Variants in XKR9 observed in about 807,000 individuals in gnomAD.
The protein encoded by XKR9 is XK related 9, also known as XK-related protein 9.
A neutral mutation model predicts 32.0 loss-of-function variants in XKR9; 32 were observed. The ratio of observed to expected loss-of-function variants is 1.00; its 90% CI spans 0.76 to 1.34. XKR9 has a LOEUF of 1.34. Ranked by LOEUF, XKR9 falls within the 40% of genes most tolerant of loss-of-function variation. XKR9 has a pLI of 0.00. For synonymous variants in XKR9, 168 were observed against 143.4 expected (o/e 1.17, Z -1.22); for missense variants, 546 against 429.7 (o/e 1.27, Z -2.39).
the XKR9 span, among the ~76,000 whole-genome samples, chr8:70,940,934 A>C: frequency 6.6e-6 from 1 of 152,114 alleles, no homozygotes; most frequent in South Asian, 2.1e-4. Context: ...ACCTTGGGCC[A>C]TAAGAACTAT....
At chr8:70,740,118 AT>A (rs1206684469), downstream of XKR9, among the ~76,000 whole-genome samples, 1 of 152,076 alleles carries the variant, frequency 6.6e-6, no homozygotes, top group Non-Finnish European at 1.5e-5. Context: ...TCAGATGTAG[AT>A]TTGGTCTTTT....
chr8:70,994,747 G>GTTTTTTTTTTTTTTTTTTTTTTTTT, the XKR9 span, among the ~76,000 whole-genome samples: 1 of 126,884 alleles, frequency 7.9e-6, no homozygotes. Context: ...GTTATATTCT[G>GTTTTTTTTTTTTTTTTTTTTTTTTT]TTTTTTTTTT....
chr8:70,701,918 A>G (rs1389161077), intron 3 of XKR9, among the ~76,000 whole-genome samples: 3 of 152,074 alleles, frequency 2.0e-5, no homozygotes, highest in South Asian at 2.1e-4. Context: ...GCCAAAGGAG[A>G]GTTTTCTTTT....
At chr8:71,051,843 T>A in the XKR9 span, among the ~76,000 whole-genome samples, 1 of 152,210 alleles carries the variant, frequency 6.6e-6, no homozygotes, top group Non-Finnish European at 1.5e-5. Flanking sequence ...GCAGAAAGCA[T>A]GCAATGCGTG....
chr8:70,851,448 G>C, the XKR9 span, among the ~76,000 whole-genome samples: 14 of 151,916 alleles, frequency 9.2e-5, no homozygotes, highest in Admixed American at 2.6e-4. Flanking sequence ...ATTTCATATG[G>C]AACCAAAAAA....
At chr8:71,051,282 T>A in the XKR9 span, among the ~76,000 whole-genome samples, 1 of 152,202 alleles carries the variant, frequency 6.6e-6, no homozygotes, top group South Asian at 2.1e-4. Flanking sequence ...AAGCTTGATA[T>A]GTTTTTGTTT....
intron 2 of XKR9, among the ~76,000 whole-genome samples, chr8:70,771,614 A>C (rs547124724): frequency 9.2e-5 from 14 of 152,298 alleles, no homozygotes; most frequent in African/African-American, 3.1e-4. Flanking sequence ...GGATCAAGTG[A>C]CTGTTTTAGT....
the XKR9 span, among the ~76,000 whole-genome samples, chr8:70,840,518 A>G: frequency 0.54 from 81,828 of 151,856 alleles, 23,022 homozygotes; most frequent in Middle Eastern, 0.62. Context: ...TGGTTAGTTC[A>G]GTGGCTAAAC....
the XKR9 span, among the ~76,000 whole-genome samples, chr8:70,940,587 G>T: frequency 6.6e-6 from 1 of 151,888 alleles, no homozygotes; most frequent in Non-Finnish European, 1.5e-5. Context: ...AATAAATGCT[G>T]GTTTTATTTC....
At chr8:71,014,965 T>C in the XKR9 span, among the ~76,000 whole-genome samples, 5 of 152,192 alleles carry the variant, frequency 3.3e-5, no homozygotes, top group Admixed American at 3.3e-4. Flanking sequence ...TTGTCTGACA[T>C]AGAAGCTGAT....
chr8:71,039,769 C>T, the XKR9 span, among the ~76,000 whole-genome samples: 1 of 152,104 alleles, frequency 6.6e-6, no homozygotes, highest in Non-Finnish European at 1.5e-5. Flanking sequence ...TATGATGTTT[C>T]TACTTAGTTG....
At chr8:70,801,756 G>C in the XKR9 span, among the ~76,000 whole-genome samples, 3 of 152,208 alleles carry the variant, frequency 2.0e-5, no homozygotes, top group East Asian at 5.8e-4. Flanking sequence ...TACTGTCAGT[G>C]GGGTGTGGAA....
the XKR9 span, among the ~76,000 whole-genome samples, chr8:70,895,041 T>C: frequency 6.6e-6 from 1 of 152,160 alleles, no homozygotes; most frequent in Non-Finnish European, 1.5e-5. Flanking sequence ...GGAGCACAGC[T>C]AAGTGCTCCA....
intron 3 of XKR9, among the ~76,000 whole-genome samples, chr8:70,690,489 A>G (rs886263710): frequency 1.4e-5 from 2 of 145,860 alleles, no homozygotes; most frequent in Non-Finnish European, 3.0e-5. Flanking sequence ...ACATGCTGCT[A>G]TGCCCAGCTA....
intron 4 of XKR9, among the ~76,000 whole-genome samples, chr8:70,724,382 G>A (rs535543167): frequency 1.1e-4 from 17 of 151,934 alleles, no homozygotes; most frequent in Middle Eastern, 3.4e-3. Flanking sequence ...CCTTTCCAGG[G>A]GAGTGAACAG....
At chr8:70,847,199 C>G in the XKR9 span, among the ~76,000 whole-genome samples, 1 of 151,904 alleles carries the variant, frequency 6.6e-6, no homozygotes, top group Non-Finnish European at 1.5e-5. Flanking sequence ...ACCTTGGGAA[C>G]AGTATAAATA....
intron 4 of XKR9, among the ~76,000 whole-genome samples, chr8:70,716,510 T>C (rs1329435820): frequency 6.6e-6 from 1 of 152,058 alleles, no homozygotes; most frequent in East Asian, 1.9e-4. Flanking sequence ...ACAGGAAGAA[T>C]GAGAGCCGAA....
At chr8:70,874,722 A>T in the XKR9 span, among the ~76,000 whole-genome samples, 1 of 152,236 alleles carries the variant, frequency 6.6e-6, no homozygotes, top group Non-Finnish European at 1.5e-5. Flanking sequence ...AGTCTGATCC[A>T]GAGACTCGTG....
At chr8:70,894,450 T>C in the XKR9 span, among the ~76,000 whole-genome samples, 4 of 152,094 alleles carry the variant, frequency 2.6e-5, no homozygotes, top group African/African-American at 7.2e-5. Flanking sequence ...CAGCCACTTC[T>C]CTGTTTATTT....
Sources: allele counts gnomAD v4.1 joint callset (sites outside exome capture counted in the v4.1 genomes callset), GRCh38; gene constraint gnomAD v4.1.1; transcripts MANE v1.5; gene names NCBI Gene and HGNC (gene_info 2026-07-23, HGNC 2026-07-21).